MLLT3: variants seen among roughly 807,000 people sequenced by gnomAD.
MLLT3 encodes the protein MLLT3 super elongation complex subunit.
A neutral mutation model predicts 53.2 loss-of-function variants in MLLT3; 4 were observed. That is an observed-to-expected ratio of 0.08 (90% confidence interval 0.04 to 0.17). MLLT3 has a LOEUF of 0.17. MLLT3 is among the 10% of genes least tolerant of loss of function. The probability of loss-of-function intolerance (pLI) is 1.00; values close to 1 mark genes in which losing one functional copy is unlikely to be tolerated. For missense variants in MLLT3, 569 were observed against 684.0 expected (o/e 0.83, Z 1.87); for synonymous variants, 283 against 230.6 (o/e 1.23, Z -2.06).
Position 20,521,456 on chromosome 9 carries a change from A to ATGTG in MLLT3, c.194-64671_194-64670insCACA, listed in dbSNP as rs1554634356. ...GCTCACTCTCTCTCGCTGTGTGTGT[A>ATGTG]TATGTGTGTGTGTGTGTGTGTGTGT... On this transcript the variant is annotated intron_variant, in intron 2 of 10. Transcript: ENST00000380338. Among the ~76,000 whole-genome samples, 557 of 114,112 alleles carry ATGTG rather than the reference A, an allele frequency of 4.9e-3. 4 individuals carry two copies. Among genetic ancestry groups the ATGTG allele is most frequent in the African/African-American group, 0.017 (484 of 28,726 alleles). 74.9% of individuals were successfully genotyped at this position (114,112 alleles called of 152,430 possible).
chr9:20,608,440 C>T (rs1820619887), intron 2 of MLLT3, among the ~76,000 whole-genome samples: 1 of 151,922 alleles, frequency 6.6e-6, no homozygotes, highest in Non-Finnish European at 1.5e-5. Flanking sequence ...TGATATATTA[C>T]ACATGGGTAT....
intron 2 of MLLT3, among the ~76,000 whole-genome samples, chr9:20,507,320 C>A (rs933667737): frequency 6.6e-6 from 1 of 152,116 alleles, no homozygotes; most frequent in Non-Finnish European, 1.5e-5. Context: ...TTACAAGGCA[C>A]CAAAAGAAAA....
chr9:20,527,913 C>T lies in MLLT3; in HGVS notation c.194-71127G>A, dbSNP rs576322805. ...ACATTAAATGAGCACATTTATTACA[C>T]GGTATCCTGATTTCAGAAATGAGGA... On this transcript the variant is annotated intron_variant, in intron 2 of 10. Transcript: ENST00000380338. Among the ~76,000 whole-genome samples the T allele has an allele frequency of 3.3e-5, 5 of 152,274 alleles. No individual in the cohort carries two copies. In the South Asian group the frequency reaches 6.2e-4, roughly 19 times the overall value.
At chr9:20,371,773 A>C (rs1821609693) in intron 5 of MLLT3, among the ~76,000 whole-genome samples, 1 of 152,250 alleles carries the variant, frequency 6.6e-6, no homozygotes, top group Non-Finnish European at 1.5e-5. Context: ...TGAATCAAGA[A>C]GTAGTTTTGG....
At chr9:20,482,260 T>G (rs1563779621) in intron 2 of MLLT3, among the ~76,000 whole-genome samples, 1 of 152,222 alleles carries the variant, frequency 6.6e-6, no homozygotes, top group Non-Finnish European at 1.5e-5. Context: ...CCAGTTTCAA[T>G]CGGCATGACA....
intron 2 of MLLT3, among the ~76,000 whole-genome samples, chr9:20,460,649 C>G (rs1824082772): frequency 6.6e-6 from 1 of 152,090 alleles, no homozygotes; most frequent in Admixed American, 6.6e-5. Context: ...TTTGCAAGGC[C>G]TGACACTACC....
chr9:20,498,227 C>CAGAAAAAA (rs1825127927), intron 2 of MLLT3, among the ~76,000 whole-genome samples: 1 of 32,480 alleles, frequency 3.1e-5, no homozygotes, highest in African/African-American at 8.0e-5. Context: ...GACGCTGTCT[C>CAGAAAAAA]AAAAAAAAAA....
rs911876875 is a variant in MLLT3, at chr9:20,522,791, G to C, written c.194-66005C>G. On this transcript the variant is annotated intron_variant, in intron 2 of 10. Transcript: ENST00000380338. ...GGATATACAATATACAAAGGGCCCAGTGCAGTAGCTAACACCTCTAATCTC... is the reference window on the plus strand; with the variant it reads ...GGATATACAATATACAAAGGGCCCACTGCAGTAGCTAACACCTCTAATCTC... Among the ~76,000 whole-genome samples the C allele has an allele frequency of 2.9e-4, 44 of 152,054 alleles. 2 individuals carry two copies. Among genetic ancestry groups the C allele is most frequent in the Non-Finnish European group, 4.4e-5 (3 of 68,008 alleles).
intron 2 of MLLT3, among the ~76,000 whole-genome samples, 165 bp from the exon 3 acceptor site, chr9:20,456,951 A>G (rs188604623): frequency 6.6e-6 from 1 of 152,282 alleles, no homozygotes; most frequent in Admixed American, 6.5e-5. Flanking sequence ...TTTCTTCTCC[A>G]GAAACTATAA....
rs376570337 is a variant in MLLT3, at chr9:20,477,667, C to T, written c.194-20881G>A. On this transcript the variant is annotated intron_variant, in intron 2 of 10. Coordinates refer to ENST00000380338, the MANE Select transcript of MLLT3 (RefSeq NM_004529.4). Reference sequence around the variant, plus strand: ...ACAACTTCTCCCTGGGACTTAGTTTCTTCTATAAAATAAAGGCTAGAGCTA... The same window carrying T: ...ACAACTTCTCCCTGGGACTTAGTTTTTTCTATAAAATAAAGGCTAGAGCTA... 1.3e-4 allele frequency among the ~76,000 whole-genome samples: 20 copies of T among 152,126 alleles called. No homozygotes were observed. In the East Asian group the frequency reaches 1.9e-3, roughly 15 times the overall value.
chr9:20,413,718 C>T lies in MLLT3; in HGVS notation c.1125+3G>A. On this transcript the variant is annotated splice_donor_region_variant and intron_variant, in intron 5 of 10. Transcript: ENST00000380338. ...AGGAAGAAAGCCAGTAAGAACTACT[C>T]ACATCAGATTTAGAGGATATATTCT... 1 of 1,575,078 alleles carries T rather than the reference C, an allele frequency of 6.3e-7. No homozygotes were observed. Among genetic ancestry groups the T allele is most frequent in the Non-Finnish European group, 8.6e-7 (1 of 1,165,026 alleles).
intron 2 of MLLT3, among the ~76,000 whole-genome samples, chr9:20,565,537 T>C (rs1819331734): frequency 6.6e-6 from 1 of 152,096 alleles, no homozygotes; most frequent in African/African-American, 2.4e-5. Context: ...TGCTAGGTAA[T>C]TCAACTTAAT....
intron 5 of MLLT3, among the ~76,000 whole-genome samples, chr9:20,366,314 TGTTA>T (rs1480137334): frequency 6.6e-6 from 1 of 152,130 alleles, no homozygotes; most frequent in African/African-American, 2.4e-5. Flanking sequence ...TCTGTTCCTG[TGTTA>T]GTTTGCTGAG....
chr9:20,528,911 A>G (rs572410896), intron 2 of MLLT3, among the ~76,000 whole-genome samples: 14 of 152,344 alleles, frequency 9.2e-5, no homozygotes, highest in African/African-American at 3.4e-4. Context: ...CTCATCAGTT[A>G]ATATACAAGG....
At position 20,496,235 on chromosome 9, in the gene MLLT3, T is replaced by C. The variant is rs79454533; in HGVS notation, c.194-39449A>G. 9.5e-3 allele frequency among the ~76,000 whole-genome samples: 1,451 copies of C among 152,322 alleles called. 9 individuals are homozygous for C. The highest frequency in any genetic ancestry group is 0.017 in the Non-Finnish European group (1,153 of 68,014). Reference sequence around the variant, plus strand: ...TCTTTAGAAAAACACACTTTTTTGTTTGTAAAGAAAGAAACATTTCCTGAA... The same window carrying C: ...TCTTTAGAAAAACACACTTTTTTGTCTGTAAAGAAAGAAACATTTCCTGAA... On this transcript the variant is annotated intron_variant, in intron 2 of 10. Transcript: ENST00000380338.
intron 4 of MLLT3, among the ~76,000 whole-genome samples, chr9:20,446,411 CA>C (rs913265747): frequency 6.6e-5 from 10 of 152,178 alleles, no homozygotes; most frequent in African/African-American, 1.9e-4. Flanking sequence ...TATCAGGATG[CA>C]GTGCTGCACT....
chr9:20,539,240 A>T (rs1818562382), intron 2 of MLLT3, among the ~76,000 whole-genome samples: 1 of 152,196 alleles, frequency 6.6e-6, no homozygotes, highest in African/African-American at 2.4e-5. Flanking sequence ...TCCAAATTGG[A>T]GTCAATCGTC....
At chr9:20,511,552 A>G (rs574575811) in intron 2 of MLLT3, among the ~76,000 whole-genome samples, 5 of 152,340 alleles carry the variant, frequency 3.3e-5, no homozygotes, top group Admixed American at 6.5e-5. Flanking sequence ...GCTATGAAGC[A>G]TCATTAAATG....
At chr9:20,615,874 GAAAAAAA>G (rs10579863) in intron 2 of MLLT3, among the ~76,000 whole-genome samples, 1 of 132,614 alleles carries the variant, frequency 7.5e-6, no homozygotes. Context: ...AAAGAGATTT[GAAAAAAA>G]AAAAAAAAAA....
Sources: gnomAD v4.1 joint callset for allele counts (sites outside exome capture counted in the v4.1 genomes callset) on GRCh38, gnomAD v4.1.1 for gene constraint, MANE v1.5 for transcripts, NCBI Gene and HGNC (gene_info 2026-07-23, HGNC 2026-07-21) for gene names.